The following RAD51B variants were observed in gnomAD, a reference collection of about 807,000 sequenced individuals.
RAD51B encodes RAD51 paralog B.
RAD51B carries 38 observed loss-of-function variants against 42.2 expected under a neutral mutation model. The ratio of observed to expected loss-of-function variants is 0.90; its 90% CI spans 0.70 to 1.18. RAD51B has a LOEUF of 1.18. RAD51B is among the 50% of genes most tolerant of loss of function. The pLI is 0.00. For missense variants in RAD51B, 373 were observed against 400.7 expected (o/e 0.93, Z 0.59); for synonymous variants, 154 against 145.2 (o/e 1.06, Z -0.43).
chr14:68,493,003 G>A (rs1237470630), intron 10 of RAD51B, among the ~76,000 whole-genome samples: 1 of 152,162 alleles, frequency 6.6e-6, no homozygotes, highest in Non-Finnish European at 1.5e-5. Context: ...TCCTTTGAGA[G>A]AATGTACATT....
chr14:68,168,113 C>A (rs796233273), intron 7 of RAD51B, among the ~76,000 whole-genome samples: 12 of 152,060 alleles, frequency 7.9e-5, no homozygotes, highest in African/African-American at 2.9e-4. Context: ...AAATATCACT[C>A]CTTGGGGTGG....
At chr14:67,822,206 G>A (rs2040654267) in intron 1 of RAD51B, 1 of 152,066 alleles carries the variant, frequency 6.6e-6, no homozygotes, top group African/African-American at 2.4e-5. Context: ...CGTTCCAGAG[G>A]ATACTTCTTT....
chr14:68,495,168 A>G (rs926991923), intron 10 of RAD51B, among the ~76,000 whole-genome samples: 2 of 152,156 alleles, frequency 1.3e-5, no homozygotes, highest in African/African-American at 2.4e-5. Flanking sequence ...GCATCTGTTC[A>G]TGCCCTGCCT....
intron 7 of RAD51B, among the ~76,000 whole-genome samples, chr14:68,103,214 C>T (rs1595400715): frequency 6.6e-6 from 1 of 152,132 alleles, no homozygotes; most frequent in East Asian, 1.9e-4. Flanking sequence ...CTCAATATTG[C>T]ATAAGTGGAC....
intron 8 of RAD51B, among the ~76,000 whole-genome samples, chr14:68,338,255 A>C (rs576749303): frequency 5.2e-4 from 79 of 152,222 alleles, no homozygotes; most frequent in Non-Finnish European, 4.7e-4. Flanking sequence ...ACAAGGACCC[A>C]GGCAACTAGT....
At chr14:68,215,649 C>T (rs146441890) in intron 7 of RAD51B, among the ~76,000 whole-genome samples, 71 of 152,274 alleles carry the variant, frequency 4.7e-4, no homozygotes, top group African/African-American at 1.6e-3. Flanking sequence ...TACTCTTAAG[C>T]ACTAGGTTGT....
At chr14:68,528,970 C>G (rs1023944615) in intron 10 of RAD51B, among the ~76,000 whole-genome samples, 1 of 152,144 alleles carries the variant, frequency 6.6e-6, no homozygotes, top group Non-Finnish European at 1.5e-5. Flanking sequence ...CCGTCCAACT[C>G]CAAGGAATTC....
chr14:68,398,799 T>A (rs557920615), intron 8 of RAD51B, among the ~76,000 whole-genome samples: 42 of 152,268 alleles, frequency 2.8e-4, no homozygotes, highest in African/African-American at 9.6e-4. Context: ...TAGGTGGAGA[T>A]TTTCTAATAC....
intron 7 of RAD51B, among the ~76,000 whole-genome samples, chr14:67,933,712 G>A (rs1041466505): frequency 6.6e-6 from 1 of 152,114 alleles, no homozygotes; most frequent in African/African-American, 2.4e-5. Context: ...ACTAGATCCT[G>A]TTGGACACTA....
intron 7 of RAD51B, among the ~76,000 whole-genome samples, chr14:68,029,950 C>T (rs979982668): frequency 6.6e-6 from 1 of 152,208 alleles, no homozygotes; most frequent in Non-Finnish European, 1.5e-5. Context: ...TCTATTAGAG[C>T]TCTTGGTTGA....
intron 4 of RAD51B, among the ~76,000 whole-genome samples, chr14:67,836,875 A>G (rs1425743211): frequency 6.6e-6 from 1 of 152,176 alleles, no homozygotes; most frequent in Non-Finnish European, 1.5e-5. Flanking sequence ...ATGTTTATCA[A>G]TACACTCCTG....
chr14:67,843,490 T>C (rs2041504839), intron 4 of RAD51B: 2 of 152,136 alleles, frequency 1.3e-5, no homozygotes, highest in South Asian at 4.1e-4. Flanking sequence ...GTCCTGGGAT[T>C]TTTCTGCTTG....
intron 8 of RAD51B, among the ~76,000 whole-genome samples, chr14:68,356,747 C>G (rs1406906666): frequency 6.6e-6 from 1 of 150,990 alleles, no homozygotes; most frequent in Non-Finnish European, 1.5e-5. Context: ...TTTGGGAGGC[C>G]GAGGCGGGCG....
At chr14:68,512,202 A>G (rs575082357) in intron 10 of RAD51B, among the ~76,000 whole-genome samples, 64 of 152,296 alleles carry the variant, frequency 4.2e-4, no homozygotes, top group African/African-American at 1.5e-3. Flanking sequence ...CCCACTCCCA[A>G]CAGCCACCTG....
chr14:68,641,573 T>TAGGCCG (rs1566962208), intron 10 of RAD51B, among the ~76,000 whole-genome samples: 15 of 146,062 alleles, frequency 1.0e-4, no homozygotes, highest in South Asian at 2.1e-4. Flanking sequence ...AGATGTTAGC[T>TAGGCCG]GTAGATTTTT....
At chr14:68,420,133 A>T (rs1451374135) in intron 9 of RAD51B, among the ~76,000 whole-genome samples, 1 of 152,230 alleles carries the variant, frequency 6.6e-6, no homozygotes, top group East Asian at 1.9e-4. Flanking sequence ...ACTCATATTC[A>T]GTGATAGCAT....
intron 7 of RAD51B, among the ~76,000 whole-genome samples, chr14:68,028,798 T>C (rs1211146485): frequency 2.0e-5 from 3 of 152,142 alleles, no homozygotes; most frequent in African/African-American, 7.2e-5. Context: ...CTGGCCCTAC[T>C]TTCTCCTGCC....
chr14:68,436,345 T>C (rs1347136155), intron 9 of RAD51B, among the ~76,000 whole-genome samples: 2 of 152,252 alleles, frequency 1.3e-5, no homozygotes, highest in African/African-American at 2.4e-5. Flanking sequence ...TGCAGCTTTA[T>C]TTCTGAATTC....
intron 10 of RAD51B, among the ~76,000 whole-genome samples, chr14:68,607,795 G>C (rs1891509808): frequency 1.3e-5 from 2 of 152,188 alleles, no homozygotes; most frequent in Admixed American, 6.5e-5. Context: ...CCATTCTGCG[G>C]GGTGCTGGGG....
Sources: gnomAD v4.1 joint callset for allele counts (sites outside exome capture counted in the v4.1 genomes callset) on GRCh38, gnomAD v4.1.1 for gene constraint, MANE v1.5 for transcripts, NCBI Gene and HGNC (gene_info 2026-07-23, HGNC 2026-07-21) for gene names.